PDE10A: variants seen among roughly 807,000 people sequenced by gnomAD.
PDE10A encodes the protein cAMP and cAMP-inhibited cGMP 3',5'-cyclic phosphodiesterase 10A.
In PDE10A, 39 loss-of-function variants were observed where a neutral mutation model predicts 97.7. The ratio of observed to expected loss-of-function variants is 0.40; its 90% CI spans 0.31 to 0.52. The LOEUF (loss-of-function observed/expected upper bound fraction) is 0.52, where lower values mean the gene tolerates loss of function less well. PDE10A is among the 20% of genes least tolerant of loss of function. PDE10A has a pLI of 0.56. For synonymous variants in PDE10A, 371 were observed against 376.8 expected, an observed-to-expected ratio of 0.98 and a Z score of 0.18; for missense variants, 731 against 1,047.8, an observed-to-expected ratio of 0.70 and a Z score of 4.17.
chr6:165,746,072 G>A (rs1792836799), intron 1 of PDE10A, among the ~76,000 whole-genome samples: 1 of 152,296 alleles, frequency 6.6e-6, no homozygotes, highest in Non-Finnish European at 1.5e-5. Context: ...ACACATATGT[G>A]TGCATTTTGT....
rs1003770163 is a variant in PDE10A, at chr6:165,545,846, CTGTT to C, written c.866-2282_866-2279del. Among the ~76,000 whole-genome samples the C allele has an allele frequency of 1.6e-4, 25 of 152,034 alleles. 1 individual carries two copies. The highest frequency in any genetic ancestry group is 3.8e-4 in the East Asian group (2 of 5,200). On this transcript the variant is annotated intron_variant, in intron 1 of 21. Coordinates refer to ENST00000539869, the MANE Select transcript of PDE10A (RefSeq NM_001385079.1). ...AAAATGCTACAGTGACTTTGAAAGA[CTGTT>C]TGGCAGTTTCTTACAAAGCTAAATA...
At chr6:165,987,829 C>T (rs777413425) in exon 1 of PDE10A, 15 of 423,766 alleles carry the variant, frequency 3.5e-5, no homozygotes, top group South Asian at 2.2e-4. Flanking sequence ...TCCTCCTTCC[C>T]TCCTTTCCAT....
intron 15 of PDE10A, among the ~76,000 whole-genome samples, chr6:165,394,881 T>G (rs1222292110): frequency 6.6e-6 from 1 of 152,188 alleles, no homozygotes; most frequent in Non-Finnish European, 1.5e-5. Context: ...TAGTAACCCC[T>G]GTCTCTTTCA....
rs1310808458 is a variant in PDE10A, at chr6:165,697,952, C to T, written c.-614-154384G>A. The stretch of plus-strand genomic sequence containing the variant: ...CATCCCTGGTTTATTCCTGTTACGC[C>T]GTCACTGTCCCTCTGACAGTAGTAT... On this transcript the variant is annotated intron_variant, in intron 1 of 19. Coordinates refer to the PDE10A transcript ENST00000366882. Among the ~76,000 whole-genome samples the T allele has an allele frequency of 7.2e-5, 11 of 152,144 alleles. No homozygotes were observed. The East Asian group carries it at 1.3e-3, about 19-fold the overall frequency.
At chr6:165,518,706 G>C (rs530420010) in intron 2 of PDE10A, among the ~76,000 whole-genome samples, 19 of 152,322 alleles carry the variant, frequency 1.2e-4, no homozygotes, top group African/African-American at 4.1e-4. Flanking sequence ...GTCTGCTGAG[G>C]TTGCTAAGAT....
At chr6:165,812,203 G>A (rs1779302764) in intron 1 of PDE10A, among the ~76,000 whole-genome samples, 1 of 151,628 alleles carries the variant, frequency 6.6e-6, no homozygotes, top group Non-Finnish European at 1.5e-5. Context: ...AAGTAGGAAG[G>A]TAGACGTATG....
chr6:165,505,243 G>T (rs548644361), intron 2 of PDE10A, among the ~76,000 whole-genome samples: 1 of 152,066 alleles, frequency 6.6e-6, no homozygotes, highest in Non-Finnish European at 1.5e-5. Context: ...TATAAATTAT[G>T]AAACATCTCA....
chr6:165,850,528 T>C (rs1041755770), intron 1 of PDE10A, among the ~76,000 whole-genome samples: 1 of 152,216 alleles, frequency 6.6e-6, no homozygotes, highest in African/African-American at 2.4e-5. Flanking sequence ...TTTAGTTATA[T>C]GCTGTTTCCT....
chr6:165,938,167 T>C (rs1783396675), intron 1 of PDE10A, among the ~76,000 whole-genome samples: 1 of 152,222 alleles, frequency 6.6e-6, no homozygotes, highest in East Asian at 1.9e-4. Flanking sequence ...AGCACAACTG[T>C]GAACACAGCA....
chr6:165,737,512 G>A (rs1792607725), intron 1 of PDE10A, among the ~76,000 whole-genome samples: 1 of 152,144 alleles, frequency 6.6e-6, no homozygotes, highest in Non-Finnish European at 1.5e-5. Flanking sequence ...AATCCATAAA[G>A]GTGATATACT....
intron 1 of PDE10A, among the ~76,000 whole-genome samples, chr6:165,826,473 A>C (rs1039419376): frequency 3.5e-4 from 36 of 102,518 alleles, no homozygotes; most frequent in South Asian, 7.6e-4. Flanking sequence ...CCCCATGTCC[A>C]CCTGTCCCCA....
In PDE10A at chr6:165,921,726, G is replaced by A. The variant is rs145136942; in HGVS notation, c.-615+65803C>T. ...GCTTGGTGCATTCCAGCATGAGCAT[G>A]GAAACCCACTGCCATCACAGTGAGC... On this transcript the variant is annotated intron_variant, in intron 1 of 19. Coordinates refer to the PDE10A transcript ENST00000366882. 4.4e-3 allele frequency among the ~76,000 whole-genome samples: 666 copies of A among 152,326 alleles called. 3 individuals are homozygous for A. The highest frequency in any genetic ancestry group is 0.015 in the African/African-American group (617 of 41,564).
At chr6:165,364,142 G>A (rs963391601) in intron 18 of PDE10A, among the ~76,000 whole-genome samples, 2 of 152,182 alleles carry the variant, frequency 1.3e-5, no homozygotes, top group Admixed American at 6.5e-5. Context: ...GATAATACAA[G>A]TTTCTATAGA....
chr6:165,341,626 A>T (rs941234117), intron 19 of PDE10A, among the ~76,000 whole-genome samples: 3 of 152,150 alleles, frequency 2.0e-5, no homozygotes, highest in Non-Finnish European at 4.4e-5. Context: ...TTATGTTAAC[A>T]TGGCGGCAAC....
intron 1 of PDE10A, among the ~76,000 whole-genome samples, chr6:165,739,077 C>T (rs1792653529): frequency 6.6e-6 from 1 of 152,172 alleles, no homozygotes; most frequent in Admixed American, 6.5e-5. Context: ...AAGCTATCTA[C>T]AGATTCAATG....
At chr6:165,758,510 A>AAAGAAGAAGAAG in intron 1 of PDE10A, among the ~76,000 whole-genome samples, 1 of 41,568 alleles carries the variant, frequency 2.4e-5, no homozygotes, top group African/African-American at 5.0e-5. Context: ...AAGAAAGAAG[A>AAAGAAGAAGAAG]AAGAAGAAGA....
chr6:165,689,237 G>C (rs1020327074), intron 1 of PDE10A, among the ~76,000 whole-genome samples: 3 of 152,222 alleles, frequency 2.0e-5, no homozygotes, highest in Non-Finnish European at 4.4e-5. Context: ...TATCTTTAAA[G>C]TGGATAAAAC....
chr6:165,369,652 C>T, intron 18 of PDE10A, among the ~76,000 whole-genome samples: 1 of 143,024 alleles, frequency 7.0e-6, no homozygotes, highest in East Asian at 2.0e-4. Flanking sequence ...GGAAAACACT[C>T]TGCAGGATAT....
intron 18 of PDE10A, among the ~76,000 whole-genome samples, chr6:165,375,448 G>A (rs1440440885): frequency 6.6e-6 from 1 of 152,206 alleles, no homozygotes; most frequent in East Asian, 1.9e-4. Context: ...ACACCTGGGA[G>A]ATGTGAAAAT....
Sources: gnomAD v4.1 joint callset for allele counts (sites outside exome capture counted in the v4.1 genomes callset) on GRCh38, gnomAD v4.1.1 for gene constraint, MANE v1.5 for transcripts, NCBI Gene and HGNC (gene_info 2026-07-23, HGNC 2026-07-21) for gene names.